TBPL2: variants seen among roughly 807,000 people sequenced by gnomAD.
The protein encoded by TBPL2 is TATA box-binding protein-like 2.
A neutral mutation model predicts 38.2 loss-of-function variants in TBPL2; 40 were observed. The observed-to-expected ratio is 1.05, with a 90% CI of 0.81 to 1.36. The LOEUF (loss-of-function observed/expected upper bound fraction) is 1.36. Among genes scored for constraint, TBPL2 ranks in the 40% most tolerant of loss-of-function variants. The probability of loss-of-function intolerance (pLI) is 0.00; values close to 1 mark genes in which losing one functional copy is unlikely to be tolerated. For synonymous variants in TBPL2, 169 were observed against 171.7 expected, an observed-to-expected ratio of 0.98 and a Z score of 0.12; for missense variants, 461 against 456.7, an observed-to-expected ratio of 1.01 and a Z score of -0.09.
Position 55,428,975 on chromosome 14 carries a change from C to T in TBPL2, c.789-1G>A, listed in dbSNP as rs1566593044. 1 of 1,613,974 alleles carries T rather than the reference C, an allele frequency of 6.2e-7. No individual in the cohort carries two copies. Among genetic ancestry groups the T allele is most frequent in the Middle Eastern group, 1.6e-4 (1 of 6,062 alleles). On this transcript the variant is annotated splice_acceptor_variant, in intron 4 of 6. Coordinates refer to ENST00000247219, the Ensembl canonical transcript of TBPL2. LOFTEE classifies it high-confidence loss of function. ...TGCTGCAAGTCGAGACTGCTCTTCA[C>T]TGGGGAGGGGCAAATATGTTTAAAG... is the stretch of plus-strand genomic sequence containing the variant.
At chr14:55,437,095 G>A in intron 1 of TBPL2, 77 bp from the exon 2 acceptor site, 1 of 1,222,790 alleles carries the variant, frequency 8.2e-7, no homozygotes, top group Non-Finnish European at 1.2e-6. Flanking sequence ...TGTCACTATG[G>A]CAGGCAGGCA....
At chr14:55,425,749 C>T (rs144464893) in intron 5 of TBPL2, among the ~76,000 whole-genome samples, 97 of 152,320 alleles carry the variant, frequency 6.4e-4, no homozygotes, top group African/African-American at 2.0e-3. Context: ...ACATTAAAGA[C>T]CCTGCTTTAT....
intron 5 of TBPL2, among the ~76,000 whole-genome samples, chr14:55,425,063 A>C (rs1426468058): frequency 1.3e-5 from 2 of 152,266 alleles, no homozygotes; most frequent in Non-Finnish European, 2.9e-5. Flanking sequence ...GGGTGAATCC[A>C]GACTGCATGG....
chr14:55,440,427 A>G (rs772170805), exon 1 of TBPL2: 1 of 1,607,084 alleles, frequency 6.2e-7, no homozygotes, highest in East Asian at 2.2e-5. Context: ...GTAGAGCTCC[A>G]GGTAGGTCTC....
chr14:55,440,478 G>A (rs139138751), exon 1 of TBPL2: 2 of 1,612,708 alleles, frequency 1.2e-6, no homozygotes, highest in East Asian at 2.2e-5. Context: ...TGGGGGTGGG[G>A]GCGGGTAAGA....
At chr14:55,421,578 C>T (rs1885745518) in intron 6 of TBPL2, among the ~76,000 whole-genome samples, 1 of 152,190 alleles carries the variant, frequency 6.6e-6, no homozygotes, top group Non-Finnish European at 1.5e-5. Flanking sequence ...ATTCTCCTGC[C>T]TCAGCCTCCC....
intron 6 of TBPL2, 121 bp from the exon 7 acceptor site, chr14:55,414,576 T>C (rs1290780742): frequency 7.6e-6 from 5 of 656,356 alleles, no homozygotes; most frequent in Non-Finnish European, 7.2e-6. Context: ...TAGCTGTACC[T>C]GAGAAATGGC....
chr14:55,436,009 C>T (rs1886007676), intron 2 of TBPL2, 75 bp from the exon 3 acceptor site: 1 of 960,938 alleles, frequency 1.0e-6, no homozygotes, highest in Admixed American at 2.9e-5. Flanking sequence ...CTTATTTTCT[C>T]ATTTCTTAGG....
chr14:55,430,003 C>G lies in TBPL2; in HGVS notation c.789-1029G>C, dbSNP rs80180399. On this transcript the variant is annotated intron_variant, in intron 4 of 6. Transcript: ENST00000247219. ...TCTTCAATTCAATTCAAACTCAACACAAGAAGGACAGGAATTTGTCCTACT... is the reference window on the plus strand; with the variant it reads ...TCTTCAATTCAATTCAAACTCAACAGAAGAAGGACAGGAATTTGTCCTACT... Among the ~76,000 whole-genome samples the G allele has an allele frequency of 8.0e-3, 1,212 of 152,158 alleles. 21 individuals are homozygous for G. Among genetic ancestry groups the G allele is most frequent in the African/African-American group, 0.028 (1,171 of 41,508 alleles).
chr14:55,439,578 G>A (rs1195964252), intron 1 of TBPL2, among the ~76,000 whole-genome samples: 1 of 136,802 alleles, frequency 7.3e-6, no homozygotes, highest in Non-Finnish European at 1.5e-5. Context: ...ATGACTTGAG[G>A]TCAAGAGTTC....
rs540003891 is a variant in TBPL2, at chr14:55,417,659, G to A, written c.1052-3204C>T. Among the ~76,000 whole-genome samples, 6 of 152,132 alleles carry A rather than the reference G, an allele frequency of 3.9e-5. No individual in the cohort carries two copies. In the South Asian group the frequency reaches 1.0e-3, roughly 26 times the overall value. On this transcript the variant is annotated intron_variant, in intron 6 of 6. Coordinates refer to ENST00000247219, the Ensembl canonical transcript of TBPL2. ...TATTTTCAGTAGAGATGGGGGTCTC[G>A]CTATGTTGCCCAGGCTGGTCTCAAA...
At chr14:55,428,665 G>C (rs1265226132) in intron 5 of TBPL2, 142 bp downstream of exon 5, 1 of 856,544 alleles carries the variant, frequency 1.2e-6, no homozygotes, top group Non-Finnish European at 1.7e-6. Flanking sequence ...CTCAGGCATA[G>C]CATCTTAATC....
rs560654640 is a variant in TBPL2 at position 55,420,178 on chromosome 14, C to G, written c.1051+3981G>C. Among the ~76,000 whole-genome samples, 290 of 152,336 alleles carry G rather than the reference C, an allele frequency of 1.9e-3. 2 individuals carry two copies. The highest frequency in any genetic ancestry group is 6.8e-3 in the African/African-American group (281 of 41,582). On this transcript the variant is annotated intron_variant, in intron 6 of 6. Coordinates refer to ENST00000247219, the Ensembl canonical transcript of TBPL2. ...TTCCGCCTCCCAGGTTCAAGCGATT[C>G]TCCTGCCTCAGCCTCCTAAGTAGCT...
intron 6 of TBPL2, among the ~76,000 whole-genome samples, chr14:55,418,638 C>T (rs1396053125): frequency 3.3e-5 from 5 of 152,154 alleles, no homozygotes; most frequent in Non-Finnish European, 5.9e-5. Flanking sequence ...TACTCATTTC[C>T]GAGAAGCACA....
At chr14:55,428,213 T>TCC (rs1885863306) in intron 5 of TBPL2, among the ~76,000 whole-genome samples, 1 of 133,232 alleles carries the variant, frequency 7.5e-6, no homozygotes. Flanking sequence ...CACTGCAAGC[T>TCC]CCACCTCCTG....
chr14:55,424,124 CAT>C, intron 6 of TBPL2, 33 bp downstream of exon 6: 1 of 1,482,778 alleles, frequency 6.7e-7, no homozygotes, highest in Non-Finnish European at 9.4e-7. Flanking sequence ...ATAGCAATTA[CAT>C]TTTATGAGTC....
chr14:55,416,853 T>C (rs1212444376), intron 6 of TBPL2, among the ~76,000 whole-genome samples: 2 of 152,254 alleles, frequency 1.3e-5, no homozygotes, highest in Non-Finnish European at 2.9e-5. Context: ...TCATATTTAA[T>C]TGAGGAACAG....
At chr14:55,436,529 T>G (rs1390200766) in intron 2 of TBPL2, 32 bp downstream of exon 2, 1 of 1,571,386 alleles carries the variant, frequency 6.4e-7, no homozygotes, top group African/African-American at 1.4e-5. Flanking sequence ...GTGTACCCAA[T>G]GTGCTCAATT....
chr14:55,433,529 A>AT, intron 4 of TBPL2, 101 bp downstream of exon 4: 2 of 1,103,626 alleles, frequency 1.8e-6, no homozygotes, highest in Non-Finnish European at 2.7e-6. Flanking sequence ...AAAGAAAGGC[A>AT]TTTTGCTTCT....
Sources: gnomAD v4.1 joint callset for allele counts (sites outside exome capture counted in the v4.1 genomes callset) on GRCh38, gnomAD v4.1.1 for gene constraint, MANE v1.5 for transcripts, NCBI Gene and HGNC (gene_info 2026-07-23, HGNC 2026-07-21) for gene names.